Variants in CCDC7 observed in about 807,000 individuals in gnomAD.
CCDC7 encodes the protein coiled-coil domain-containing protein 7.
In CCDC7, 183 loss-of-function variants were observed where a neutral mutation model predicts 196.9. The observed-to-expected ratio is 0.93, with a 90% CI of 0.82 to 1.05. The LOEUF (loss-of-function observed/expected upper bound fraction) is 1.05, where lower values mean the gene tolerates loss of function less well. CCDC7 is among the 50% of genes least tolerant of loss of function. The pLI, the probability that CCDC7 is intolerant of heterozygous loss-of-function variation, is 0.00. For missense variants in CCDC7, 1,540 were observed against 1,482.2 expected (o/e 1.04, Z -0.64); for synonymous variants, 525 against 484.6 (o/e 1.08, Z -1.10).
At chr10:32,518,613 T>A in intron 11 of CCDC7, 108 bp downstream of exon 12, 3 of 827,654 alleles carry the variant, frequency 3.6e-6, no homozygotes, top group African/African-American at 1.8e-5. Flanking sequence ...TTTTTACTAT[T>A]AATAATTCGT....
chr10:32,554,427 A>G (rs551513569), intron 13 of CCDC7, among the ~76,000 whole-genome samples: 22 of 152,224 alleles, frequency 1.4e-4, no homozygotes, highest in African/African-American at 2.4e-4. Context: ...TGTCCTCCCA[A>G]TGGATCCCTG....
At chr10:32,804,991 T>A in intron 29 of CCDC7, 24 bp from the exon 31 acceptor site, 2 of 1,494,140 alleles carry the variant, frequency 1.3e-6, no homozygotes, top group Non-Finnish European at 1.9e-6. Flanking sequence ...CGCAAAGTAT[T>A]TTTAAATCCA....
chr10:32,674,950 T>G (rs2074674426), intron 21 of CCDC7, among the ~76,000 whole-genome samples: 1 of 152,098 alleles, frequency 6.6e-6, no homozygotes, highest in African/African-American at 2.4e-5. Context: ...TCCTTCTCTT[T>G]TAGTGTTTAA....
At chr10:32,877,830 C>A (rs1487817692), downstream of CCDC7, among the ~76,000 whole-genome samples, 3 of 152,124 alleles carry the variant, frequency 2.0e-5, no homozygotes, top group African/African-American at 7.2e-5. Context: ...ACCAATTAAA[C>A]CAGATTCTCT....
chr10:32,559,949 A>G (rs550955233), intron 13 of CCDC7, among the ~76,000 whole-genome samples: 9 of 152,360 alleles, frequency 5.9e-5, no homozygotes, highest in Admixed American at 3.9e-4. Flanking sequence ...ATGTATAACT[A>G]GAATAACCAA....
intron 9 of CCDC7, among the ~76,000 whole-genome samples, chr10:32,499,606 AT>A (rs1475894811): frequency 3.5e-5 from 5 of 141,942 alleles, no homozygotes; most frequent in Non-Finnish European, 7.7e-5. Context: ...TTATTTTTTT[AT>A]TTTTTTTTAG....
intron 32 of CCDC7, among the ~76,000 whole-genome samples, chr10:32,828,559 A>G (rs866326658): frequency 3.6e-4 from 48 of 133,068 alleles, no homozygotes; most frequent in Middle Eastern, 3.9e-3. Context: ...GAAGAAGAAG[A>G]AAGAAGAAGA....
At chr10:32,819,706 T>A (rs369660061) in intron 31 of CCDC7, among the ~76,000 whole-genome samples, 1 of 152,096 alleles carries the variant, frequency 6.6e-6, no homozygotes, top group Non-Finnish European at 1.5e-5. Flanking sequence ...ACAGAACCAA[T>A]GACAAAAACC....
Position 32,872,361 on chromosome 10 carries a change from C to A in CCDC7, c.4112-3986C>A, listed in dbSNP as rs957130219. 1.3e-5 allele frequency among the ~76,000 whole-genome samples: 2 copies of A among 151,828 alleles called. 1 individual carries two copies. The highest frequency in any genetic ancestry group is 4.2e-4 in the South Asian group (2 of 4,802). ...GTTTATCAGAGACTAGGATTGCAAC[C>A]CCTGCCTTTTTTTGTTTTCCATTTG... On this transcript the variant is annotated intron_variant, in intron 41 of 41. Transcript: ENST00000639629.
exon 15 of CCDC7, chr10:32,567,754 A>G (rs202010751): frequency 9.9e-6 from 16 of 1,613,584 alleles, no homozygotes; most frequent in Non-Finnish European, 1.2e-5. Flanking sequence ...TGAGACAACA[A>G]TGCAAGTGGG....
intron 18 of CCDC7, among the ~76,000 whole-genome samples, chr10:32,603,489 T>C (rs992459398): frequency 4.6e-5 from 7 of 151,982 alleles, no homozygotes; most frequent in Admixed American, 1.3e-4. Flanking sequence ...TGGATCATAT[T>C]GTAGTTATAT....
At chr10:32,460,285 A>G (rs1291888061) in intron 3 of CCDC7, among the ~76,000 whole-genome samples, 2 of 152,226 alleles carry the variant, frequency 1.3e-5, no homozygotes, top group East Asian at 3.8e-4. Flanking sequence ...TCTACTTATC[A>G]GTAAGTAAAT....
intron 28 of CCDC7, among the ~76,000 whole-genome samples, chr10:32,737,896 A>T (rs1180279452): frequency 6.6e-6 from 1 of 152,026 alleles, no homozygotes; most frequent in South Asian, 2.1e-4. Flanking sequence ...TTTACTTTTA[A>T]TCTTATCATT....
intron 21 of CCDC7, among the ~76,000 whole-genome samples, chr10:32,680,530 A>G (rs573740114): frequency 1.1e-3 from 167 of 152,108 alleles, no homozygotes; most frequent in African/African-American, 3.7e-3. Flanking sequence ...TGCTGCTCCC[A>G]TCAACTCGTC....
At chr10:32,510,499 C>T (rs113325112) in intron 9 of CCDC7, among the ~76,000 whole-genome samples, 16 of 152,164 alleles carry the variant, frequency 1.1e-4, no homozygotes, top group South Asian at 2.1e-4. Flanking sequence ...TGAGGGCAGA[C>T]GGAAACATTT....
rs77450542 is a variant in CCDC7 at position 32,845,883 on chromosome 10, T to C, written c.3528T>C (p.Asp1176=). The C allele has an allele frequency of 5.3e-3, 8,584 of 1,607,840 alleles. 400 individuals carry two copies. The African/African-American group carries it at 0.097, about 18-fold the overall frequency. The stretch of plus-strand genomic sequence containing the variant: ...TCTGTTTTATTTCAATAGAGACTGA[T>C]AAGGAATTCTTGGCAGATGCTATTG... Residue 1176 remains aspartate (D), a synonymous_variant, in exon 36 of 42, where the codon GAT becomes GAC. Transcript: ENST00000639629.
chr10:32,716,498 C>T (rs2081599252), intron 25 of CCDC7, among the ~76,000 whole-genome samples: 4 of 152,120 alleles, frequency 2.6e-5, no homozygotes, highest in African/African-American at 9.7e-5. Flanking sequence ...AACTAATGTG[C>T]AAAATAGCCA....
chr10:32,598,250 C>T (rs2060624032), intron 18 of CCDC7, among the ~76,000 whole-genome samples: 1 of 152,182 alleles, frequency 6.6e-6, no homozygotes, highest in Admixed American at 6.5e-5. Context: ...AGTTTGATCT[C>T]AGACTGCTGT....
chr10:32,866,509 G>T (rs2094203899), intron 41 of CCDC7, among the ~76,000 whole-genome samples: 1 of 151,364 alleles, frequency 6.6e-6, no homozygotes, highest in Admixed American at 6.6e-5. Context: ...GATAAAAGGA[G>T]ATTAAAGAGA....
Sources: gnomAD v4.1 joint callset for allele counts (sites outside exome capture counted in the v4.1 genomes callset) on GRCh38, gnomAD v4.1.1 for gene constraint, MANE v1.5 for transcripts, NCBI Gene and HGNC (gene_info 2026-07-23, HGNC 2026-07-21) for gene names.